TDRD1: variants seen among roughly 807,000 people sequenced by gnomAD.
TDRD1 encodes the protein tudor domain-containing protein 1.
TDRD1 carries 37 observed loss-of-function variants against 140.6 expected under a neutral mutation model. The observed-to-expected ratio is 0.26, with a 90% confidence interval of 0.20 to 0.35. The LOEUF (loss-of-function observed/expected upper bound fraction) is 0.35. Ranked by LOEUF, TDRD1 falls within the 10% of genes least tolerant of loss-of-function variation. The pLI, the probability that TDRD1 is intolerant of heterozygous loss-of-function variation, is 1.00. For synonymous variants in TDRD1, 506 were observed against 475.7 expected, an observed-to-expected ratio of 1.06 and a Z score of -0.83; for missense variants, 1,243 against 1,393.0, an observed-to-expected ratio of 0.89 and a Z score of 1.71.
At chr10:114,201,615 A>G in intron 5 of TDRD1, 100 bp downstream of exon 5, 2 of 901,624 alleles carry the variant, frequency 2.2e-6, no homozygotes, top group Non-Finnish European at 1.7e-6. Context: ...AGTAGAAGTT[A>G]CTTTTTCTTA....
At chr10:114,219,888 G>A (rs759564267) in intron 18 of TDRD1, among the ~76,000 whole-genome samples, 10 of 152,092 alleles carry the variant, frequency 6.6e-5, no homozygotes, top group South Asian at 4.1e-4. Context: ...CACTGTGCCC[G>A]GCCCAGATTA....
At chr10:114,192,292 CTTTTTTTTTTTTTTTTTT>C (rs938140798) in intron 3 of TDRD1, among the ~76,000 whole-genome samples, 2 of 75,112 alleles carry the variant, frequency 2.7e-5, no homozygotes, top group Admixed American at 1.4e-4. Flanking sequence ...GATAGTTTTC[CTTTTTTTTTTTTTTTTTT>C]TTTTTTTTTT....
exon 3 of TDRD1, chr10:114,190,972 T>G: frequency 6.2e-7 from 1 of 1,614,136 alleles, no homozygotes; most frequent in Non-Finnish European, 8.5e-7. Flanking sequence ...AAACTCAGTG[T>G]CACCACCAAG....
At chr10:114,217,703 T>A in intron 17 of TDRD1, 48 bp downstream of exon 17, 1 of 975,616 alleles carries the variant, frequency 1.0e-6, no homozygotes, top group Non-Finnish European at 1.6e-6. Flanking sequence ...TTATATTTCT[T>A]AACTTAACCT....
intron 3 of TDRD1, 40 bp from the exon 4 acceptor site, chr10:114,199,133 A>G: frequency 1.3e-6 from 2 of 1,587,450 alleles, no homozygotes; most frequent in Non-Finnish European, 1.7e-6. Flanking sequence ...TGGAAAAGTT[A>G]TTGCCAAATT....
chr10:114,231,986 G>A (rs12266538), exon 26 of TDRD1: 14,065 of 150,482 alleles, frequency 0.093, 683 homozygotes, highest in Admixed American at 0.15. Context: ...TTTTCTGTCC[G>A]TTTGAAATAT....
intron 25 of TDRD1, chr10:114,228,893 G>T (rs1470762705): frequency 6.3e-6 from 3 of 473,562 alleles, no homozygotes; most frequent in Non-Finnish European, 8.3e-6. Flanking sequence ...AAGTCAGCCT[G>T]GCCAAGATGG....
intron 7 of TDRD1, 39 bp downstream of exon 7, chr10:114,203,215 G>A: frequency 6.5e-7 from 1 of 1,533,594 alleles, no homozygotes. Flanking sequence ...CACAGATCCA[G>A]AGAACTGTAT....
At chr10:114,225,536 TCTCTA>T (rs1379514362) in intron 21 of TDRD1, among the ~76,000 whole-genome samples, 1 of 149,904 alleles carries the variant, frequency 6.7e-6, no homozygotes, top group African/African-American at 2.5e-5. Flanking sequence ...TTTCTCTTGT[TCTCTA>T]CTCTATTCTA....
At chr10:114,194,338 G>C (rs1272041796) in intron 3 of TDRD1, among the ~76,000 whole-genome samples, 2 of 152,180 alleles carry the variant, frequency 1.3e-5, no homozygotes, top group Admixed American at 6.5e-5. Context: ...GATTTCTTTT[G>C]GGGGAGTTTT....
At chr10:114,213,208 T>A in intron 14 of TDRD1, 138 bp from the exon 15 acceptor site, 1 of 786,846 alleles carries the variant, frequency 1.3e-6, no homozygotes, top group Non-Finnish European at 2.0e-6. Flanking sequence ...TGCATTCATT[T>A]TTATGTTCTT....
intron 4 of TDRD1, among the ~76,000 whole-genome samples, chr10:114,200,522 A>G (rs2034658167): frequency 6.6e-6 from 1 of 152,106 alleles, no homozygotes; most frequent in Admixed American, 6.5e-5. Flanking sequence ...TTTTCACGAT[A>G]CACAGCCATT....
At chr10:114,192,379 C>T (rs945415606) in intron 3 of TDRD1, among the ~76,000 whole-genome samples, 5 of 141,278 alleles carry the variant, frequency 3.5e-5, no homozygotes, top group African/African-American at 1.3e-4. Context: ...TCTCGGCTCA[C>T]TGCAACCTCC....
chr10:114,179,764 C>G (rs915140543), intron 1 of TDRD1: 5 of 152,190 alleles, frequency 3.3e-5, no homozygotes, highest in African/African-American at 1.2e-4. Context: ...TCCCTACTTT[C>G]CTCCTATAGG....
At chr10:114,227,458 G>A (rs2036502498) in intron 23 of TDRD1, among the ~76,000 whole-genome samples, 159 bp downstream of exon 23, 2 of 152,164 alleles carry the variant, frequency 1.3e-5, no homozygotes, top group Admixed American at 1.3e-4. Flanking sequence ...CTGCCTGGGA[G>A]GGCCGCCTTG....
chr10:114,231,497 C>G, exon 26 of TDRD1: 1 of 1,602,086 alleles, frequency 6.2e-7, no homozygotes, highest in Non-Finnish European at 8.5e-7. Context: ...AACAGCATCT[C>G]TTGGAGGTAA....
exon 14 of TDRD1, chr10:114,211,915 A>T (rs1427147578): frequency 6.2e-7 from 1 of 1,606,390 alleles, no homozygotes; most frequent in East Asian, 2.2e-5. Flanking sequence ...CTTCTGAAGA[A>T]TCTGTACTGG....
At chr10:114,217,110 A>G (rs747719137) in intron 16 of TDRD1, among the ~76,000 whole-genome samples, 10 of 152,116 alleles carry the variant, frequency 6.6e-5, no homozygotes, top group Non-Finnish European at 1.3e-4. Flanking sequence ...TTCAAATGTG[A>G]TGTACTTTGT....
exon 12 of TDRD1, chr10:114,210,585 T>A: frequency 6.3e-7 from 1 of 1,589,358 alleles, no homozygotes; most frequent in Non-Finnish European, 8.6e-7. Flanking sequence ...GATAAGGTGA[T>A]CCTGAAGATG....
Sources: gnomAD v4.1 joint callset for allele counts (sites outside exome capture counted in the v4.1 genomes callset) on GRCh38, gnomAD v4.1.1 for gene constraint, MANE v1.5 for transcripts, NCBI Gene and HGNC (gene_info 2026-07-23, HGNC 2026-07-21) for gene names.